The following FOXI3 variants were observed in gnomAD, a reference collection of about 807,000 sequenced individuals.
FOXI3 encodes forkhead box I3, also known as forkhead box protein I3.
A neutral mutation model predicts 15.6 loss-of-function variants in FOXI3; 4 were observed. The ratio of observed to expected loss-of-function variants is 0.26; its 90% confidence interval spans 0.13 to 0.59. The LOEUF is 0.59. Among genes scored for constraint, FOXI3 ranks in the 20% least tolerant of loss-of-function variants. FOXI3 has a pLI of 0.90. For missense variants in FOXI3, 489 were observed against 548.2 expected (o/e 0.89, Z 1.08); for synonymous variants, 238 against 244.4 (o/e 0.97, Z 0.25).
chr2:88,452,095 G>A lies in FOXI3; in HGVS notation c.441C>T (p.Pro147=), dbSNP rs759932908. ...REDLMKMVRP[P]YSYSALIAMA... ...TGGCGATGAGCGCCGAATACGAGTA[G>A]GGCGGCCGCACCATCTTCATCAGGT... The change falls in exon 1 of 2, where the codon CCC becomes CCT. Residue 147 remains proline (P), a synonymous_variant. Coordinates refer to ENST00000428390, the MANE Select transcript of FOXI3 (RefSeq NM_001135649.3). The A allele has an allele frequency of 2.6e-6, 4 of 1,561,214 alleles. No homozygotes were observed. The highest frequency in any genetic ancestry group is 3.5e-6 in the Non-Finnish European group (4 of 1,153,068).
At chr2:88,451,836 C>T (rs2104263161) in intron 1 of FOXI3, 60 bp downstream of exon 1, 1 of 1,566,282 alleles carries the variant, frequency 6.4e-7, no homozygotes, top group Non-Finnish European at 8.6e-7. Flanking sequence ...ACCCCTGCGC[C>T]GGCCCTTGCG....
rs1228319702 is a variant in FOXI3 at position 88,448,251 on chromosome 2, T to C, written c.1219A>G (p.Met407Val). The C allele has an allele frequency of 5.8e-6, 9 of 1,551,472 alleles. No homozygotes were observed. In the East Asian group the frequency reaches 1.5e-4, roughly 25 times the overall value. The change falls in exon 2 of 2, where the codon ATG (methionine) becomes GTG (valine). Residue 407 changes from methionine (M) to valine (V), a missense_variant. By Grantham distance (21) the Met-to-Val change is conservative (BLOSUM62 1). Transcript: ENST00000428390. ...CGGGGGTAGATGAGGCTGTTCACCATGCTAAAGTTGTGGAAAGGGCTGCTG... is the reference window on the plus strand; with the variant it reads ...CGGGGGTAGATGAGGCTGTTCACCACGCTAAAGTTGTGGAAAGGGCTGCTG... ...PFSSPFHNFS[M>V]VNSLIYPREG... is the part of the protein sequence containing the mutation.
At position 88,448,004 on chromosome 2, in the gene FOXI3, T is replaced by C. The variant is rs1675967022; in HGVS notation, c.*203A>G. On this transcript the variant is annotated 3_prime_UTR_variant, in exon 2 of 2. Coordinates refer to ENST00000428390, the MANE Select transcript of FOXI3 (RefSeq NM_001135649.3). The stretch of plus-strand genomic sequence containing the variant: ...GGAGAGGCCCACATGCAGAGAAACC[T>C]GTAAAAGCTCGCTGGGTTGTAGCAA... 1.7e-6 allele frequency: 1 copy of C among 590,456 alleles called. No individual in the cohort carries two copies. Among genetic ancestry groups the C allele is most frequent in the Non-Finnish European group, 3.0e-6 (1 of 334,196 alleles). The allele number at this position is 590,456 out of a possible 1,614,324, so 36.6% of individuals were successfully genotyped here. A position where few individuals can be genotyped will look rare whatever the true frequency, so the allele number is the denominator to read the frequency against.
In FOXI3 at chr2:88,452,688, G is replaced by A. The variant is rs1676077448; in HGVS notation, c.-153C>T. ...CGGTGCTCCGGGCCGGGGTCGGGCGGGTGCTAGCGGAGCGCCTGCTAGCCG... is the reference window on the plus strand; with the variant it reads ...CGGTGCTCCGGGCCGGGGTCGGGCGAGTGCTAGCGGAGCGCCTGCTAGCCG... On this transcript the variant is annotated 5_prime_UTR_variant, in exon 1 of 2. Coordinates refer to ENST00000428390, the MANE Select transcript of FOXI3 (RefSeq NM_001135649.3). 6.3e-6 allele frequency: 2 copies of A among 318,626 alleles called. No individual in the cohort carries two copies. Among genetic ancestry groups the A allele is most frequent in the Non-Finnish European group, 9.5e-6 (2 of 209,456 alleles). The allele number at this position is 318,626 out of a possible 1,614,324, so 19.7% of individuals were successfully genotyped here.
intron 1 of FOXI3, among the ~76,000 whole-genome samples, chr2:88,449,198 G>T (rs1394231938): frequency 6.6e-6 from 1 of 151,180 alleles, no homozygotes; most frequent in Admixed American, 6.6e-5. Context: ...CGTTAGACTG[G>T]GCCAACATAG....
In FOXI3 at chr2:88,448,681, TGAG is replaced by T; in HGVS notation, c.786_788del (p.Ser263del). 1 of 1,551,820 alleles carries T rather than the reference TGAG, an allele frequency of 6.4e-7. No individual in the cohort carries two copies. The highest frequency in any genetic ancestry group is 8.7e-7 in the Non-Finnish European group (1 of 1,147,028). ...TCCCACCCACTCCAGACCCCAATCC[TGAG>T]GAGAGCCCTTCTTCGGACTTTGATG... On this transcript the variant is annotated inframe_deletion, in exon 2 of 2. Coordinates refer to ENST00000428390, the MANE Select transcript of FOXI3 (RefSeq NM_001135649.3).
At chr2:88,448,868 T>C (rs1447309841) in intron 1 of FOXI3, 39 bp from the exon 2 acceptor site, 1 of 1,519,494 alleles carries the variant, frequency 6.6e-7, no homozygotes, top group South Asian at 1.3e-5. Context: ...GAAGGACCTA[T>C]TCAATGCCTG....
At position 88,446,910 on chromosome 2, in the gene FOXI3, TA is replaced by T. The variant is rs1193142441; in HGVS notation, c.*1296del. The T allele has an allele frequency of 8.5e-5, 13 of 152,218 alleles. No individual in the cohort carries two copies. Among genetic ancestry groups the T allele is most frequent in the African/African-American group, 2.9e-4 (12 of 41,444 alleles). 9.4% of individuals were successfully genotyped at this position (152,218 alleles called of 1,614,324 possible). On this transcript the variant is annotated 3_prime_UTR_variant, in exon 2 of 2. Transcript: ENST00000428390. ...GCTGGTTTCTTGGTTTTGCAGGAAGTAGAATACAGAAGTTACAAGCACCAGC... is the reference window on the plus strand; with the variant it reads ...GCTGGTTTCTTGGTTTTGCAGGAAGTGAATACAGAAGTTACAAGCACCAGC...
In FOXI3 at chr2:88,447,115, T is replaced by C. The variant is rs915210863; in HGVS notation, c.*1092A>G. The stretch of plus-strand genomic sequence containing the variant: ...ATCCTGAAGTTTCACTTCCCTTACA[T>C]GGAAAATGGGGGGTAGTAACAATAC... On this transcript the variant is annotated 3_prime_UTR_variant, in exon 2 of 2. Transcript: ENST00000428390. 3 of 152,170 alleles carry C rather than the reference T, an allele frequency of 2.0e-5. No individual in the cohort carries two copies. In the East Asian group the frequency reaches 5.8e-4, roughly 29 times the overall value. 9.4% of individuals were successfully genotyped at this position (152,170 alleles called of 1,614,324 possible).
chr2:88,448,231 G>A lies in FOXI3; in HGVS notation c.1239C>T (p.Tyr413=). The change falls in exon 2 of 2, where the codon TAC becomes TAT. Residue 413 remains tyrosine (Y), a synonymous_variant. Coordinates refer to ENST00000428390, the MANE Select transcript of FOXI3 (RefSeq NM_001135649.3). ...HNFSMVNSLI[Y]PREGSEV ...TCTACACCTCGGAGCCCTCTCGGGG[G>A]TAGATGAGGCTGTTCACCATGCTAA... The A allele has an allele frequency of 1.3e-6, 2 of 1,551,624 alleles. No homozygotes were observed. Among genetic ancestry groups the A allele is most frequent in the Non-Finnish European group, 1.7e-6 (2 of 1,146,988 alleles).
chr2:88,451,882 C>T lies in FOXI3; in HGVS notation c.640+14G>A, dbSNP rs1245392462. ...GCCCTCCCCGGCTGGGAAGCACCTGCCAGCGGCCCTCACCTGGGTCGTCCT... is the reference window on the plus strand; with the variant it reads ...GCCCTCCCCGGCTGGGAAGCACCTGTCAGCGGCCCTCACCTGGGTCGTCCT... On this transcript the variant is annotated intron_variant, in intron 1 of 1. Coordinates refer to ENST00000428390, the MANE Select transcript of FOXI3 (RefSeq NM_001135649.3). The T allele has an allele frequency of 1.2e-6, 2 of 1,610,476 alleles. No individual in the cohort carries two copies. Among genetic ancestry groups the T allele is most frequent in the East Asian group, 2.2e-5 (1 of 44,704 alleles).
In FOXI3 at chr2:88,452,337, C is replaced by T; in HGVS notation, c.199G>A (p.Ala67Thr). 3 of 982,658 alleles carry T rather than the reference C, an allele frequency of 3.1e-6. No individual in the cohort carries two copies. The highest frequency in any genetic ancestry group is 3.6e-6 in the Non-Finnish European group (3 of 829,810). The allele number at this position is 982,658 out of a possible 1,614,324, so 60.9% of individuals were successfully genotyped here. The change falls in exon 1 of 2, where the codon GCC becomes ACC. Residue 67 changes from alanine (A) to threonine (T), a missense_variant. Ala to Thr is a moderately conservative substitution (Grantham distance 58, BLOSUM62 0). Coordinates refer to ENST00000428390, the MANE Select transcript of FOXI3 (RefSeq NM_001135649.3). ...NGPGVGGPPS[A>T]AAAAAAAYLG... ...TACGCGGCGGCGGCTGCGGCGGCGG[C>T]GGAGGGCGGGCCTCCCACGCCGGGC...
rs1190782528 is a variant in FOXI3 at position 88,448,610 on chromosome 2, G to A, written c.860C>T (p.Ser287Phe). ...SPSTLLRPSH[S>F]PEPPEGTKST... ...CTTGGTGCCCTCCGGAGGCTCTGGGGAGTGGGAAGGCCTCAGCAGAGTGGA... is the reference window on the plus strand; with the variant it reads ...CTTGGTGCCCTCCGGAGGCTCTGGGAAGTGGGAAGGCCTCAGCAGAGTGGA... The change falls in exon 2 of 2, where the codon TCC (serine) becomes TTC (phenylalanine). Residue 287 changes from serine (S) to phenylalanine (F), a missense_variant. Around this residue, in one of 3 missense-constraint regions of FOXI3, gnomAD observed 263 missense variants for 285.5 expected, o/e 0.92. Transcript: ENST00000428390. 3 of 1,551,634 alleles carry A rather than the reference G, an allele frequency of 1.9e-6. No homozygotes were observed. The South Asian group carries it at 3.6e-5, about 18-fold the overall frequency.
At position 88,448,133 on chromosome 2, in the gene FOXI3, C is replaced by T. The variant is rs945104649; in HGVS notation, c.*74G>A. The T allele has an allele frequency of 6.5e-5, 89 of 1,372,774 alleles. No individual in the cohort carries two copies. Among genetic ancestry groups the T allele is most frequent in the Non-Finnish European group, 7.4e-5 (75 of 1,009,974 alleles). The allele number at this position is 1,372,774 out of a possible 1,614,324, so 85.0% of individuals were successfully genotyped here. A position where few individuals can be genotyped will look rare whatever the true frequency, so the allele number is the denominator to read the frequency against. On this transcript the variant is annotated 3_prime_UTR_variant, in exon 2 of 2. Transcript: ENST00000428390. ...GAACTCAGGTCCTACCCCAGACCTACTGACTTGGAATCTGCATTCTAATCA... is the reference window on the plus strand; with the variant it reads ...GAACTCAGGTCCTACCCCAGACCTATTGACTTGGAATCTGCATTCTAATCA...
rs1310057484 is a variant in FOXI3 at position 88,448,490 on chromosome 2, C to T, written c.980G>A (p.Ser327Asn). ...AGGGAGAGCCCGCTGGGTACTCACA[C>T]TGCTGCTGACACTCAAGGAGCTGAG... ...SSLSSLSVSS[S>N]VSTQRALPGS... The change falls in exon 2 of 2, where the codon AGT becomes AAT. Residue 327 changes from serine (S) to asparagine (N), a missense_variant. Transcript: ENST00000428390. The T allele has an allele frequency of 1.9e-6, 3 of 1,551,684 alleles. 1 individual carries two copies. In the South Asian group the frequency reaches 3.6e-5, roughly 18 times the overall value.
rs1676066437 is a variant in FOXI3, at chr2:88,452,320, G to GGCGGCT, written c.210_215dup (p.Ala73_Ala74dup). 11 of 982,060 alleles carry GGCGGCT rather than the reference G, an allele frequency of 1.1e-5. No homozygotes were observed. The highest frequency in any genetic ancestry group is 1.3e-5 in the Non-Finnish European group (11 of 829,210). 60.8% of individuals were successfully genotyped at this position (982,060 alleles called of 1,614,324 possible). ...GCGGCGGAGCGCCCAGGTACGCGGC[G>GGCGGCT]GCGGCTGCGGCGGCGGCGGAGGGCG... On this transcript the variant is annotated inframe_insertion, in exon 1 of 2. Transcript: ENST00000428390.
Position 88,451,594 on chromosome 2 carries a change from A to C in FOXI3, c.640+302T>G, listed in dbSNP as rs1162828005. 2.0e-5 allele frequency among the ~76,000 whole-genome samples: 3 copies of C among 152,202 alleles called. No homozygotes were observed. In the East Asian group the frequency reaches 5.8e-4, roughly 29 times the overall value. ...ACCCTCCCTTCAAAAGGCCTAAGGAACACCACCCAGGGGTAGCCTTCTGTT... is the reference window on the plus strand; with the variant it reads ...ACCCTCCCTTCAAAAGGCCTAAGGACCACCACCCAGGGGTAGCCTTCTGTT... On this transcript the variant is annotated intron_variant, in intron 1 of 1. Coordinates refer to ENST00000428390, the MANE Select transcript of FOXI3 (RefSeq NM_001135649.3).
rs1675990768 is a variant in FOXI3, at chr2:88,448,659, C to A, written c.811G>T (p.Gly271Trp). 2.6e-6 allele frequency: 4 copies of A among 1,551,810 alleles called. No homozygotes were observed. The highest frequency in any genetic ancestry group is 3.5e-6 in the Non-Finnish European group (4 of 1,147,024). Residue 271 changes from glycine (G) to tryptophan (W), a missense_variant, in exon 2 of 2, where the codon GGG (glycine) becomes TGG (tryptophan). Gly to Trp is a radical substitution (Grantham distance 184, BLOSUM62 -2). This residue lies in a region of FOXI3 where 263 missense variants were observed against 285.5 expected (regional missense o/e 0.92). Coordinates refer to ENST00000428390, the MANE Select transcript of FOXI3 (RefSeq NM_001135649.3). ...LSSGLGSGVG[G>W]KPEEESPSTL... ...GAGGGGCTCTCTTCTTCTGGCTTCCCACCCACTCCAGACCCCAATCCTGAG... is the reference window on the plus strand; with the variant it reads ...GAGGGGCTCTCTTCTTCTGGCTTCCAACCCACTCCAGACCCCAATCCTGAG...
rs1298246013 is a variant in FOXI3, at chr2:88,452,493, G to T, written c.43C>A (p.Pro15Thr). The T allele has an allele frequency of 9.2e-7, 1 of 1,083,866 alleles. No homozygotes were observed. Among genetic ancestry groups the T allele is most frequent in the South Asian group, 4.3e-5 (1 of 22,992 alleles). 67.1% of individuals were successfully genotyped at this position (1,083,866 alleles called of 1,614,324 possible). A position where few individuals can be genotyped will look rare whatever the true frequency, so the allele number is the denominator to read the frequency against. Reference protein sequence around the residue: ...CGDNFGVYSQPGLPPPAATAA... With the variant: ...CGDNFGVYSQTGLPPPAATAA... ...GTGGCGGCGGGCGGGGGCAGGCCGGGCTGCGAATACACTCCGAAGTTGTCG... is the reference window on the plus strand; with the variant it reads ...GTGGCGGCGGGCGGGGGCAGGCCGGTCTGCGAATACACTCCGAAGTTGTCG... Residue 15 changes from proline to threonine, a missense_variant, in exon 1 of 2, where the codon CCC becomes ACC. Transcript: ENST00000428390.
Sources: gnomAD v4.1 joint callset for allele counts (sites outside exome capture counted in the v4.1 genomes callset) on GRCh38, gnomAD v4.1.1 for gene constraint, gnomAD v4.1.1 regional missense constraint, MANE v1.5 for transcripts, NCBI Gene and HGNC (gene_info 2026-07-23, HGNC 2026-07-21) for gene names.